Variants in CAPN9 observed in about 807,000 individuals in gnomAD.
CAPN9 encodes the protein calpain-9.
CAPN9 carries 81 observed loss-of-function variants against 92.8 expected under a neutral mutation model. The observed-to-expected ratio is 0.87, with a 90% CI of 0.73 to 1.05. The LOEUF (loss-of-function observed/expected upper bound fraction) is 1.05, where lower values mean the gene tolerates loss of function less well. CAPN9 is among the 50% of genes least tolerant of loss of function. The pLI, the probability that CAPN9 is intolerant of heterozygous loss-of-function variation, is 0.00. For synonymous variants in CAPN9, 304 were observed against 328.0 expected (o/e 0.93, Z 0.79); for missense variants, 848 against 866.2 (o/e 0.98, Z 0.26).
At chr1:230,753,080 G>A (rs1664952719) in intron 1 of CAPN9, among the ~76,000 whole-genome samples, 1 of 152,142 alleles carries the variant, frequency 6.6e-6, no homozygotes, top group African/African-American at 2.4e-5. Context: ...GATGAGAGGG[G>A]TCCGCACAGG....
chr1:230,770,266 T>C (rs1666305288), intron 6 of CAPN9, among the ~76,000 whole-genome samples: 1 of 152,098 alleles, frequency 6.6e-6, no homozygotes, highest in Non-Finnish European at 1.5e-5. Flanking sequence ...AAAGTCCCAG[T>C]CTGAGGGCAG....
Position 230,752,886 on chromosome 1 carries a change from G to A in CAPN9, c.214-2451G>A, listed in dbSNP as rs185720199. 1.5e-3 allele frequency among the ~76,000 whole-genome samples: 228 copies of A among 152,300 alleles called. 2 individuals are homozygous for A. Among genetic ancestry groups the A allele is most frequent in the South Asian group, 0.014 (67 of 4,824 alleles). The stretch of plus-strand genomic sequence containing the variant: ...GCTGGTGACAGATGAGGATGCAGCC[G>A]TGAGAAGTTAAATGGCCCACCCTGA... On this transcript the variant is annotated intron_variant, in intron 1 of 19. Coordinates refer to ENST00000271971, the MANE Select transcript of CAPN9 (RefSeq NM_006615.3).
chr1:230,789,663 C>T (rs139105869), intron 13 of CAPN9, among the ~76,000 whole-genome samples: 4 of 152,190 alleles, frequency 2.6e-5, no homozygotes, highest in African/African-American at 9.6e-5. Context: ...ACCATATTCT[C>T]AGGTCCTCTG....
intron 5 of CAPN9, among the ~76,000 whole-genome samples, chr1:230,768,037 TAAATAAATAAATAAATAAAA>T (rs1362254836): frequency 4.6e-5 from 5 of 108,220 alleles, no homozygotes; most frequent in South Asian, 3.6e-4. Flanking sequence ...AATAAATAAA[TAAATAAATAAATAAATAAAA>T]AATAAAATAA....
In CAPN9 at chr1:230,780,237, G is replaced by T. The variant is rs372235071; in HGVS notation, c.1173G>T (p.Gln391His). The T allele has an allele frequency of 6.2e-7, 1 of 1,613,926 alleles. No homozygotes were observed. Among genetic ancestry groups the T allele is most frequent in the Non-Finnish European group, 8.5e-7 (1 of 1,179,838 alleles). ...CTCTGACTGAGAAAGATGAGGGGCA[G>T]GAGGAGTGTAGTTTCCTTGTAGCCC... is the stretch of plus-strand genomic sequence containing the variant. Reference protein sequence around the residue: ...KLSLTEKDEGQEECSFLVALM... With the variant: ...KLSLTEKDEGHEECSFLVALM... Residue 391 changes from glutamine (Q) to histidine (H), a missense_variant, in exon 10 of 20, where the codon CAG becomes CAT. Coordinates refer to ENST00000271971, the MANE Select transcript of CAPN9 (RefSeq NM_006615.3).
chr1:230,767,782 G>A (rs924787416), intron 5 of CAPN9, 73 bp downstream of exon 5: 22 of 1,390,220 alleles, frequency 1.6e-5, no homozygotes, highest in Non-Finnish European at 2.1e-5. Flanking sequence ...ACTATGCTGG[G>A]GCTGTACCAG....
chr1:230,752,742 G>C, intron 1 of CAPN9: 2 of 978,056 alleles, frequency 2.0e-6, no homozygotes, highest in African/African-American at 3.5e-5. Flanking sequence ...GGCAGTGGGG[G>C]CATTGCTTGC....
At chr1:230,782,549 T>A (rs1355635930) in intron 11 of CAPN9, among the ~76,000 whole-genome samples, 1 of 152,136 alleles carries the variant, frequency 6.6e-6, no homozygotes, top group African/African-American at 2.4e-5. Context: ...ATTACTACTA[T>A]CCAAATATTA....
chr1:230,768,367 G>A (rs923622270), intron 5 of CAPN9, among the ~76,000 whole-genome samples: 1 of 152,082 alleles, frequency 6.6e-6, no homozygotes, highest in African/African-American at 2.4e-5. Flanking sequence ...CCTCCCACCC[G>A]TTTCTCAGCT....
chr1:230,755,368 G>T lies in CAPN9; in HGVS notation c.245G>T (p.Gly82Val), dbSNP rs146884450. 1.9e-6 allele frequency: 3 copies of T among 1,610,518 alleles called. No individual in the cohort carries two copies. Among genetic ancestry groups the T allele is most frequent in the Non-Finnish European group, 2.5e-6 (3 of 1,178,590 alleles). ...GTGAAAAACCCAGAATTCATTCTTG[G>T]AGGGGCCACCAGGACTGATATCTGC... The part of the protein sequence containing the change: ...EIVKNPEFIL[G>V]GATRTDICQG... Residue 82 changes from glycine to valine, a missense_variant, in exon 2 of 20, where the codon GGA becomes GTA. Transcript: ENST00000271971.
intron 3 of CAPN9, among the ~76,000 whole-genome samples, chr1:230,761,717 T>C (rs3790955): frequency 0.51 from 76,968 of 151,744 alleles, 19,613 homozygotes; most frequent in East Asian, 0.54. Flanking sequence ...CCCTTTTCTT[T>C]TTACTCTTAG....
At chr1:230,793,061 T>A in intron 17 of CAPN9, 133 bp downstream of exon 17, 1 of 694,510 alleles carries the variant, frequency 1.4e-6, no homozygotes, top group Non-Finnish European at 2.5e-6. Context: ...ATTCTTAAGG[T>A]CACGGCCCTT....
At chr1:230,794,973 A>T (rs777122978) in intron 17 of CAPN9, 190 bp from the exon 18 acceptor site, 10 of 559,748 alleles carry the variant, frequency 1.8e-5, no homozygotes, top group Non-Finnish European at 3.2e-5. Context: ...CCACAGATTC[A>T]CACTCTCACG....
At chr1:230,791,985 TAGAG>T in intron 15 of CAPN9, 57 bp downstream of exon 15, 1 of 1,221,068 alleles carries the variant, frequency 8.2e-7, no homozygotes, top group East Asian at 2.3e-5. Context: ...TTAAGCACAG[TAGAG>T]TAATCTTCAA....
chr1:230,758,394 C>G (rs557355371), intron 2 of CAPN9, among the ~76,000 whole-genome samples: 1 of 152,264 alleles, frequency 6.6e-6, no homozygotes, highest in East Asian at 1.9e-4. Context: ...CCTGCAGGTT[C>G]CAGCCATGTC....
intron 6 of CAPN9, among the ~76,000 whole-genome samples, chr1:230,771,423 G>A (rs1247309137): frequency 6.6e-6 from 1 of 152,252 alleles, no homozygotes; most frequent in African/African-American, 2.4e-5. Context: ...AAGGGTGATT[G>A]AGGTGAACAG....
chr1:230,798,193 G>A lies in CAPN9; in HGVS notation c.2019G>A (p.Lys673=), dbSNP rs769715975. ...RVFQALSTKN[K]EFIHLNINEF... is the part of the protein sequence containing the mutation. ...TCCAGGCTCTCAGTACAAAGAACAA[G>A]GAGTTCATTCATCTCAATATAAATG... The change falls in exon 19 of 20, where the codon AAG becomes AAA. Residue 673 remains lysine, a synonymous_variant. Transcript: ENST00000271971. 1 of 1,612,404 alleles carries A rather than the reference G, an allele frequency of 6.2e-7. No individual in the cohort carries two copies. The highest frequency in any genetic ancestry group is 1.1e-5 in the South Asian group (1 of 91,036).
chr1:230,795,951 C>T (rs946087859), intron 18 of CAPN9, among the ~76,000 whole-genome samples: 1 of 151,784 alleles, frequency 6.6e-6, no homozygotes, highest in Non-Finnish European at 1.5e-5. Flanking sequence ...GAGCAGGGGG[C>T]CCCGCATTTC....
At chr1:230,789,500 A>AAAAAAAG (rs200162449) in intron 13 of CAPN9, among the ~76,000 whole-genome samples, 68 of 138,216 alleles carry the variant, frequency 4.9e-4, no homozygotes, top group African/African-American at 1.7e-3. Context: ...AAAAAAAAAA[A>AAAAAAAG]GCCTGAGTCT....
Sources: allele counts gnomAD v4.1 joint callset (sites outside exome capture counted in the v4.1 genomes callset), GRCh38; gene constraint gnomAD v4.1.1; transcripts MANE v1.5; gene names NCBI Gene and HGNC (gene_info 2026-07-23, HGNC 2026-07-21).